Variants in ROBO2 observed in about 807,000 individuals in gnomAD.
The protein encoded by ROBO2 is roundabout homolog 2.
ROBO2 carries 53 observed loss-of-function variants against 160.8 expected under a neutral mutation model. That is an observed-to-expected ratio of 0.33 (90% confidence interval 0.26 to 0.41). The LOEUF is 0.41. ROBO2 is among the 10% of genes least tolerant of loss of function. ROBO2 has a pLI of 1.00. For synonymous variants in ROBO2, 664 were observed against 611.7 expected (o/e 1.09, Z -1.26); for missense variants, 1,577 against 1,722.4 (o/e 0.92, Z 1.49).
intron 2 of ROBO2, among the ~76,000 whole-genome samples, chr3:76,551,180 T>A (rs1464853532): frequency 6.6e-6 from 1 of 151,806 alleles, no homozygotes; most frequent in Admixed American, 6.6e-5. Flanking sequence ...AACCCCAGAC[T>A]CAGCCAGACT....
rs573875267 is a variant in ROBO2 at position 77,591,735 on chromosome 3, A to T, written c.2683+2802A>T. On this transcript the variant is annotated intron_variant, in intron 17 of 25. Transcript: ENST00000461745. ...TCCATATGTATCTCTAATAAGCACA[A>T]AGTTACTACTCTGTGATTATCAAAA... Among the ~76,000 whole-genome samples the T allele has an allele frequency of 2.6e-5, 4 of 152,268 alleles. No individual in the cohort carries two copies. In the South Asian group the frequency reaches 8.3e-4, roughly 32 times the overall value.
intron 2 of ROBO2, among the ~76,000 whole-genome samples, chr3:76,649,088 G>C (rs186729430): frequency 2.4e-4 from 36 of 152,148 alleles, no homozygotes; most frequent in Middle Eastern, 3.4e-3. Flanking sequence ...AAGATGATGT[G>C]AATGATTAGT....
chr3:76,957,491 T>C (rs1329035903), intron 2 of ROBO2, among the ~76,000 whole-genome samples: 1 of 152,120 alleles, frequency 6.6e-6, no homozygotes, highest in East Asian at 1.9e-4. Context: ...AGCTAATGTA[T>C]GCAGATATCT....
At chr3:77,186,030 A>G (rs752870489) in intron 2 of ROBO2, among the ~76,000 whole-genome samples, 3 of 151,922 alleles carry the variant, frequency 2.0e-5, no homozygotes, top group Non-Finnish European at 4.4e-5. Context: ...ATTTAGGGGG[A>G]AAGGATGGAA....
chr3:77,395,362 A>C (rs2153505109), intron 2 of ROBO2, among the ~76,000 whole-genome samples: 1 of 152,258 alleles, frequency 6.6e-6, no homozygotes, highest in African/African-American at 2.4e-5. Flanking sequence ...TCATCCCCAA[A>C]CAGATGTTAC....
intron 2 of ROBO2, among the ~76,000 whole-genome samples, chr3:77,267,109 T>C (rs1386799594): frequency 6.6e-6 from 1 of 152,166 alleles, no homozygotes; most frequent in African/African-American, 2.4e-5. Flanking sequence ...CATTGAAACA[T>C]AAAAGTTCAG....
chr3:76,122,498 T>C (rs1168986204), intron 2 of ROBO2, among the ~76,000 whole-genome samples: 1 of 152,172 alleles, frequency 6.6e-6, no homozygotes, highest in Non-Finnish European at 1.5e-5. Flanking sequence ...GATAGAAAGA[T>C]GCATTTTTTG....
At chr3:76,937,690 A>G (rs2077801981) in intron 2 of ROBO2, among the ~76,000 whole-genome samples, 1 of 152,182 alleles carries the variant, frequency 6.6e-6, no homozygotes, top group Non-Finnish European at 1.5e-5. Context: ...CAAACTGAAT[A>G]TAAAACTCTG....
chr3:76,135,285 T>A (rs1386779863), intron 2 of ROBO2, among the ~76,000 whole-genome samples: 1 of 152,054 alleles, frequency 6.6e-6, no homozygotes, highest in Admixed American at 6.6e-5. Flanking sequence ...AGCCTTTTAA[T>A]ATACCCGTCA....
intron 2 of ROBO2, among the ~76,000 whole-genome samples, chr3:76,929,474 C>A (rs1471557931): frequency 2.0e-5 from 3 of 152,196 alleles, no homozygotes; most frequent in Non-Finnish European, 2.9e-5. Flanking sequence ...ACACTTCACA[C>A]AACACTCACT....
chr3:76,934,666 G>A (rs901560640), intron 2 of ROBO2, among the ~76,000 whole-genome samples: 31 of 152,018 alleles, frequency 2.0e-4, no homozygotes, highest in Admixed American at 4.6e-4. Context: ...CCTTGAACCC[G>A]GGAGGCGGAG....
chr3:76,434,359 G>A (rs2076572269), intron 2 of ROBO2: 2 of 1,461,096 alleles, frequency 1.4e-6, no homozygotes, highest in South Asian at 1.1e-5. Context: ...TTCGGGAGAA[G>A]AACCGAGGCA....
At chr3:76,731,389 G>A (rs1440497663) in intron 2 of ROBO2, among the ~76,000 whole-genome samples, 2 of 152,106 alleles carry the variant, frequency 1.3e-5, no homozygotes, top group African/African-American at 4.8e-5. Flanking sequence ...TTCCTGGGAG[G>A]CTATTATGCA....
rs369810675 is a variant in ROBO2 at position 76,012,555 on chromosome 3, A to G, written c.109+74953A>G. Among the ~76,000 whole-genome samples the G allele has an allele frequency of 2.6e-5, 4 of 152,088 alleles. No individual in the cohort carries two copies. The East Asian group carries it at 7.7e-4, about 29-fold the overall frequency. ...GCAATATATTTGGCTAATTTTTAGCATATTTGATTTTGCTCTATCATCATG... is the reference window on the plus strand; with the variant it reads ...GCAATATATTTGGCTAATTTTTAGCGTATTTGATTTTGCTCTATCATCATG... On this transcript the variant is annotated intron_variant, in intron 2 of 26. Coordinates refer to the ROBO2 transcript ENST00000487694.
chr3:77,122,513 A>G (rs1401243185), intron 2 of ROBO2, among the ~76,000 whole-genome samples: 1 of 152,214 alleles, frequency 6.6e-6, no homozygotes, highest in East Asian at 1.9e-4. Context: ...GCTACTATGT[A>G]AAATCTTCAT....
At chr3:76,798,142 GA>G (rs1560579571) in intron 2 of ROBO2, among the ~76,000 whole-genome samples, 6 of 25,568 alleles carry the variant, frequency 2.3e-4, no homozygotes, top group African/African-American at 2.2e-3. Context: ...AGAAGAAAGA[GA>G]AAGAAAGAAA....
At chr3:76,123,128 C>T (rs1375948763) in intron 2 of ROBO2, among the ~76,000 whole-genome samples, 1 of 152,092 alleles carries the variant, frequency 6.6e-6, no homozygotes, top group Non-Finnish European at 1.5e-5. Context: ...GCCATATCTT[C>T]CCTGAGCTCT....
At chr3:76,359,492 A>G (rs1357665790) in intron 2 of ROBO2, among the ~76,000 whole-genome samples, 1 of 152,114 alleles carries the variant, frequency 6.6e-6, no homozygotes, top group Non-Finnish European at 1.5e-5. Flanking sequence ...AAAATGAAAC[A>G]TTAAAAACCT....
intron 2 of ROBO2, among the ~76,000 whole-genome samples, chr3:76,452,776 T>G (rs1187962133): frequency 6.6e-6 from 1 of 152,180 alleles, no homozygotes; most frequent in Non-Finnish European, 1.5e-5. Flanking sequence ...GTTGAACTAG[T>G]TTACAGTCCC....
Sources: gnomAD v4.1 joint callset for allele counts (sites outside exome capture counted in the v4.1 genomes callset) on GRCh38, gnomAD v4.1.1 for gene constraint, MANE v1.5 for transcripts, NCBI Gene and HGNC (gene_info 2026-07-23, HGNC 2026-07-21) for gene names.